The following SSBP2 variants were observed in gnomAD, a reference collection of about 807,000 sequenced individuals.
SSBP2 encodes single stranded DNA binding protein 2.
SSBP2 carries 17 observed loss-of-function variants against 61.8 expected under a neutral mutation model. That is an observed-to-expected ratio of 0.28 (90% CI 0.19 to 0.41). The LOEUF (loss-of-function observed/expected upper bound fraction) is 0.41, where lower values mean the gene tolerates loss of function less well. SSBP2 is among the 10% of genes least tolerant of loss of function. The probability of loss-of-function intolerance (pLI) is 1.00; values close to 1 mark genes in which losing one functional copy is unlikely to be tolerated. For missense variants in SSBP2, 310 were observed against 458.7 expected (o/e 0.68, Z 2.96); for synonymous variants, 139 against 141.3 (o/e 0.98, Z 0.12).
chr5:81,442,411 T>A (rs1763093560), intron 13 of SSBP2, among the ~76,000 whole-genome samples: 1 of 152,108 alleles, frequency 6.6e-6, no homozygotes. Flanking sequence ...TAAAATAAGA[T>A]GAAACTAATG....
At chr5:81,450,865 T>G (rs1763721828) in intron 10 of SSBP2, among the ~76,000 whole-genome samples, 1 of 152,186 alleles carries the variant, frequency 6.6e-6, no homozygotes, top group Non-Finnish European at 1.5e-5. Flanking sequence ...CAGCCAACCT[T>G]TCTGTTTTAA....
At chr5:81,470,858 T>A (rs1227089319) in intron 8 of SSBP2, among the ~76,000 whole-genome samples, 1 of 151,892 alleles carries the variant, frequency 6.6e-6, no homozygotes, top group Non-Finnish European at 1.5e-5. Flanking sequence ...TTATCACAAA[T>A]TTCACAGTTT....
rs568942147 is a variant in SSBP2, at chr5:81,521,284, T to C, written c.283-7567A>G. Among the ~76,000 whole-genome samples, 39 of 152,136 alleles carry C rather than the reference T, an allele frequency of 2.6e-4. No homozygotes were observed. The South Asian group carries it at 7.5e-3, about 29-fold the overall frequency. On this transcript the variant is annotated intron_variant, in intron 4 of 16. Transcript: ENST00000320672. Reference sequence around the variant, plus strand: ...TTATAAACATCTGGTGTTTTAGGCATACATTTTTGTTTTTATCATCTCTTC... The same window carrying C: ...TTATAAACATCTGGTGTTTTAGGCACACATTTTTGTTTTTATCATCTCTTC...
chr5:81,431,212 C>T (rs1392434425), intron 15 of SSBP2, among the ~76,000 whole-genome samples: 1 of 152,026 alleles, frequency 6.6e-6, no homozygotes, highest in Non-Finnish European at 1.5e-5. Context: ...TTAGGTTGGT[C>T]AAAAAGGCAC....
chr5:81,586,006 TTATGTA>T (rs1355239657), intron 4 of SSBP2, among the ~76,000 whole-genome samples: 2 of 152,232 alleles, frequency 1.3e-5, no homozygotes, highest in East Asian at 3.8e-4. Context: ...TAGTATTTCA[TTATGTA>T]TATAACCTGC....
chr5:81,440,476 ACTTTG>A (rs1244484147), intron 14 of SSBP2, 77 bp downstream of exon 14: 1 of 1,195,218 alleles, frequency 8.4e-7, no homozygotes, highest in Non-Finnish European at 1.2e-6. Context: ...CTATGGAAGA[ACTTTG>A]GAAACTGTAA....
chr5:81,416,783 G>A lies in SSBP2; in HGVS notation c.*3721C>T, dbSNP rs547494841. 2.0e-5 allele frequency: 3 copies of A among 152,266 alleles called. No homozygotes were observed. The highest frequency in any genetic ancestry group is 7.2e-5 in the African/African-American group (3 of 41,562). The allele number at this position is 152,266 out of a possible 1,614,324, so 9.4% of individuals were successfully genotyped here. ...GAAATGGAAGTTTTATTTTATTCTG[G>A]AGGGAAAGGGCTGTTTTGGGCACTT... On this transcript the variant is annotated 3_prime_UTR_variant, in exon 17 of 17. Coordinates refer to ENST00000320672, the MANE Select transcript of SSBP2 (RefSeq NM_012446.5).
At chr5:81,684,124 T>G (rs1344740299) in intron 1 of SSBP2, among the ~76,000 whole-genome samples, 1 of 152,174 alleles carries the variant, frequency 6.6e-6, no homozygotes, top group East Asian at 1.9e-4. Flanking sequence ...ACTGAAAACT[T>G]ATTTCCTCAT....
At chr5:81,692,041 T>C (rs140066217) in intron 1 of SSBP2, among the ~76,000 whole-genome samples, 9 of 152,242 alleles carry the variant, frequency 5.9e-5, no homozygotes, top group African/African-American at 1.9e-4. Flanking sequence ...AATAAAGGCA[T>C]CCAAACTGGA....
intron 12 of SSBP2, 86 bp downstream of exon 12, chr5:81,446,782 A>C: frequency 7.5e-7 from 1 of 1,338,834 alleles, no homozygotes; most frequent in Non-Finnish European, 1.0e-6. Flanking sequence ...CATGAATACT[A>C]CTAACTTTAT....
intron 11 of SSBP2, among the ~76,000 whole-genome samples, chr5:81,448,236 TATTA>T (rs1431146042): frequency 6.6e-6 from 1 of 152,200 alleles, no homozygotes; most frequent in Non-Finnish European, 1.5e-5. Context: ...ATATAAAACT[TATTA>T]ATTTGACTTC....
At chr5:81,601,089 T>C (rs1347646330) in intron 4 of SSBP2, among the ~76,000 whole-genome samples, 1 of 152,206 alleles carries the variant, frequency 6.6e-6, no homozygotes, top group Non-Finnish European at 1.5e-5. Context: ...CTTAATTAGT[T>C]TTTACCAGTA....
chr5:81,692,767 T>C (rs911266676), intron 1 of SSBP2, among the ~76,000 whole-genome samples: 19 of 151,624 alleles, frequency 1.3e-4, no homozygotes, highest in South Asian at 6.2e-4. Flanking sequence ...AAGGAAAGTA[T>C]CTTCAATAAA....
intron 13 of SSBP2, among the ~76,000 whole-genome samples, chr5:81,441,204 C>G (rs1763009760): frequency 6.6e-6 from 1 of 152,216 alleles, no homozygotes; most frequent in Admixed American, 6.5e-5. Flanking sequence ...CAATGACACT[C>G]AGAGGTTCCA....
chr5:81,686,870 AAAGAAAAG>A (rs1752840199), intron 1 of SSBP2, among the ~76,000 whole-genome samples: 2 of 15,686 alleles, frequency 1.3e-4, no homozygotes, highest in Non-Finnish European at 2.1e-4. Context: ...AAAAAAAAAA[AAAGAAAAG>A]AAAAGAAAAG....
intron 8 of SSBP2, among the ~76,000 whole-genome samples, chr5:81,469,538 AAC>A (rs774121777): frequency 6.6e-6 from 1 of 151,914 alleles, no homozygotes; most frequent in Non-Finnish European, 1.5e-5. Context: ...CCCATTATAT[AAC>A]AGTTTTTCTT....
At chr5:81,543,937 A>T (rs1771507070) in intron 4 of SSBP2, among the ~76,000 whole-genome samples, 2 of 152,222 alleles carry the variant, frequency 1.3e-5, no homozygotes, top group Non-Finnish European at 2.9e-5. Context: ...ATACTGAAAT[A>T]AACAATATAT....
chr5:81,455,092 A>C (rs1213802918), intron 10 of SSBP2, among the ~76,000 whole-genome samples: 1 of 152,196 alleles, frequency 6.6e-6, no homozygotes, highest in Non-Finnish European at 1.5e-5. Context: ...TGTTAAGTAT[A>C]AGGATAGAAA....
At chr5:81,444,468 A>G (rs866243839) in intron 12 of SSBP2, among the ~76,000 whole-genome samples, 1 of 152,174 alleles carries the variant, frequency 6.6e-6, no homozygotes, top group Non-Finnish European at 1.5e-5. Context: ...CTTCCATTAT[A>G]GGAATACTTT....
Sources: allele counts gnomAD v4.1 joint callset (sites outside exome capture counted in the v4.1 genomes callset), GRCh38; gene constraint gnomAD v4.1.1; transcripts MANE v1.5; gene names NCBI Gene and HGNC (gene_info 2026-07-23, HGNC 2026-07-21).